TMEM87A: variants seen among roughly 807,000 people sequenced by gnomAD.
TMEM87A encodes transmembrane protein 87A.
TMEM87A carries 50 observed loss-of-function variants against 90.0 expected under a neutral mutation model. The observed-to-expected ratio is 0.56, with a 90% CI of 0.44 to 0.70. The LOEUF (loss-of-function observed/expected upper bound fraction) is 0.70. TMEM87A is among the 30% of genes least tolerant of loss of function. The pLI is 0.00. For synonymous variants in TMEM87A, 226 were observed against 226.7 expected (o/e 1.00, Z 0.03); for missense variants, 577 against 660.5 (o/e 0.87, Z 1.39).
chr15:42,243,162 G>A (rs1046656272), intron 7 of TMEM87A, among the ~76,000 whole-genome samples: 4 of 151,950 alleles, frequency 2.6e-5, no homozygotes, highest in Non-Finnish European at 4.4e-5. Flanking sequence ...CAGCTACTTC[G>A]GAGACTGAGG....
At chr15:42,269,412 G>A (rs1315189613) in intron 2 of TMEM87A, among the ~76,000 whole-genome samples, 4 of 151,742 alleles carry the variant, frequency 2.6e-5, no homozygotes, top group Non-Finnish European at 4.4e-5. Context: ...CATTTTCAAA[G>A]GACTCTATTA....
At chr15:42,262,949 T>C (rs1017499204) in intron 4 of TMEM87A, among the ~76,000 whole-genome samples, 4 of 152,232 alleles carry the variant, frequency 2.6e-5, no homozygotes, top group African/African-American at 9.6e-5. Context: ...ACTTACATGA[T>C]TGCATATGTG....
chr15:42,266,795 T>C (rs1356286820), intron 3 of TMEM87A, among the ~76,000 whole-genome samples: 1 of 152,144 alleles, frequency 6.6e-6, no homozygotes, highest in Non-Finnish European at 1.5e-5. Flanking sequence ...GGTGACAAAA[T>C]GGAAAGCATG....
chr15:42,213,576 C>T (rs1022616314), intron 19 of TMEM87A, among the ~76,000 whole-genome samples: 2 of 152,140 alleles, frequency 1.3e-5, no homozygotes, highest in Non-Finnish European at 2.9e-5. Context: ...GCCACTGGCT[C>T]CAGGAGACCC....
chr15:42,245,694 T>A (rs1240615750), intron 6 of TMEM87A, among the ~76,000 whole-genome samples: 1 of 151,634 alleles, frequency 6.6e-6, no homozygotes, highest in Non-Finnish European at 1.5e-5. Context: ...CCAGCTAATT[T>A]TTTTTTTTTG....
chr15:42,244,849 C>A (rs1407933928), intron 6 of TMEM87A, among the ~76,000 whole-genome samples: 1 of 150,586 alleles, frequency 6.6e-6, no homozygotes, highest in Non-Finnish European at 1.5e-5. Context: ...CAGAAAATAA[C>A]TGGTTTCTTC....
intron 15 of TMEM87A, among the ~76,000 whole-genome samples, chr15:42,221,283 G>C (rs888536396): frequency 1.7e-4 from 26 of 151,556 alleles, no homozygotes; most frequent in African/African-American, 3.2e-4. Context: ...GAGAGAGAGA[G>C]AGAGAGAGAG....
rs985249235 is a variant in TMEM87A at position 42,212,767 on chromosome 15, A to G, written c.1627-1018T>C. Among the ~76,000 whole-genome samples, 3 of 152,350 alleles carry G rather than the reference A, an allele frequency of 2.0e-5. No homozygotes were observed. The South Asian group carries it at 6.2e-4, about 32-fold the overall frequency. ...TGAAAATGATTTTCCTCAGAATTCAAAGGCTTTGTTCTGGCTCCCAAAGAT... is the reference window on the plus strand; with the variant it reads ...TGAAAATGATTTTCCTCAGAATTCAGAGGCTTTGTTCTGGCTCCCAAAGAT... On this transcript the variant is annotated intron_variant, in intron 19 of 19. Coordinates refer to ENST00000389834, the MANE Select transcript of TMEM87A (RefSeq NM_015497.5).
In TMEM87A at chr15:42,226,857, A is replaced by T. The variant is rs763424097; in HGVS notation, c.1352T>A (p.Met451Lys). The change falls in exon 15 of 20, where the codon ATG becomes AAG. Residue 451 changes from methionine to lysine, a missense_variant. Transcript: ENST00000389834. ...DDAIWRLLFS[M>K]ILFVIMVLWR... ...GAGAACCATGATGACAAAGAGGATC[A>T]TGGAGAACAGCAAGCGCCAGATGGC... 6.2e-7 allele frequency: 1 copy of T among 1,614,182 alleles called. No individual in the cohort carries two copies. Among genetic ancestry groups the T allele is most frequent in the Non-Finnish European group, 8.5e-7 (1 of 1,180,042 alleles).
chr15:42,249,778 G>A (rs2051049699), intron 6 of TMEM87A, among the ~76,000 whole-genome samples: 1 of 152,212 alleles, frequency 6.6e-6, no homozygotes, highest in Non-Finnish European at 1.5e-5. Context: ...TTCTGTAGAT[G>A]TCTGTTAGGT....
intron 14 of TMEM87A, 107 bp from the exon 15 acceptor site, chr15:42,227,016 G>T: frequency 9.4e-7 from 1 of 1,063,628 alleles, no homozygotes. Context: ...TTCAAGTTAT[G>T]TTTACTAAGA....
Position 42,239,675 on chromosome 15 carries a change from T to C in TMEM87A, c.679A>G (p.Met227Val). ...AATAATATAAAGTCACTTACAATCATCAAGGGATAGTCTTCAAGTGTGAGG... is the reference window on the plus strand; with the variant it reads ...AATAATATAAAGTCACTTACAATCACCAAGGGATAGTCTTCAAGTGTGAGG... ...EYLTLEDYPL[M>V]IFFMVMCIVY... is the part of the protein sequence containing the mutation. Residue 227 changes from methionine to valine, a missense_variant, in exon 8 of 20, where the codon ATG becomes GTG. Coordinates refer to ENST00000389834, the MANE Select transcript of TMEM87A (RefSeq NM_015497.5). The C allele has an allele frequency of 1.9e-6, 3 of 1,613,446 alleles. No individual in the cohort carries two copies. The highest frequency in any genetic ancestry group is 2.5e-6 in the Non-Finnish European group (3 of 1,179,396).
At chr15:42,265,030 T>A (rs1410032283) in intron 3 of TMEM87A, among the ~76,000 whole-genome samples, 1 of 152,172 alleles carries the variant, frequency 6.6e-6, no homozygotes, top group Non-Finnish European at 1.5e-5. Context: ...AAGGAAATGA[T>A]CTCATTCTTT....
intron 10 of TMEM87A, among the ~76,000 whole-genome samples, chr15:42,235,498 C>T (rs942275470): frequency 1.3e-5 from 2 of 152,192 alleles, no homozygotes; most frequent in African/African-American, 2.4e-5. Context: ...CTCAGTAAAT[C>T]TTCAATTCCA....
Position 42,230,672 on chromosome 15 carries a change from C to T in TMEM87A, c.1131+520G>A, listed in dbSNP as rs1595717058. 2.0e-5 allele frequency among the ~76,000 whole-genome samples: 3 copies of T among 152,106 alleles called. No individual in the cohort carries two copies. The South Asian group carries it at 6.2e-4, about 32-fold the overall frequency. On this transcript the variant is annotated intron_variant, in intron 12 of 19. Coordinates refer to ENST00000389834, the MANE Select transcript of TMEM87A (RefSeq NM_015497.5). ...GTGGAAATCTTCAAACAATTCCAAG[C>T]CAGCTTTTGAATGAGGCAAGAAAAC...
intron 19 of TMEM87A, 116 bp downstream of exon 19, chr15:42,217,687 C>CTATAGTTTA: frequency 4.4e-6 from 4 of 912,278 alleles, no homozygotes; most frequent in South Asian, 1.6e-5. Flanking sequence ...ACTATATAAA[C>CTATAGTTTA]TATAGTTTTC....
chr15:42,218,188 T>A lies in TMEM87A; in HGVS notation c.1595+135A>T, dbSNP rs1374903624. On this transcript the variant is annotated intron_variant, in intron 18 of 19. Coordinates refer to ENST00000389834, the MANE Select transcript of TMEM87A (RefSeq NM_015497.5). ...ATGAATAAACCCAATTAATTTTGTT[T>A]GCGGATTATTCCTATTCTTTTAATT... 4 of 880,952 alleles carry A rather than the reference T, an allele frequency of 4.5e-6. No individual in the cohort carries two copies. The African/African-American group carries it at 6.8e-5, about 15-fold the overall frequency. 54.6% of individuals were successfully genotyped at this position (880,952 alleles called of 1,614,324 possible).
intron 6 of TMEM87A, among the ~76,000 whole-genome samples, chr15:42,253,199 CT>C (rs2051116904): frequency 6.6e-6 from 1 of 152,196 alleles, no homozygotes; most frequent in Non-Finnish European, 1.5e-5. Context: ...TTATTCTTCA[CT>C]TTTTGCTTGT....
At chr15:42,269,765 T>A (rs1417805614) in intron 2 of TMEM87A, among the ~76,000 whole-genome samples, 30 of 147,708 alleles carry the variant, frequency 2.0e-4, no homozygotes. Flanking sequence ...TGAAACCCCG[T>A]CTCTACTAAA....
Sources: gnomAD v4.1 joint callset for allele counts (sites outside exome capture counted in the v4.1 genomes callset) on GRCh38, gnomAD v4.1.1 for gene constraint, MANE v1.5 for transcripts, NCBI Gene and HGNC (gene_info 2026-07-23, HGNC 2026-07-21) for gene names.